The following PPFIA3 variants were observed in gnomAD, a reference collection of about 807,000 sequenced individuals.
PPFIA3 encodes the protein PPFI scaffold protein A3, also known as liprin-alpha-3.
PPFIA3 carries 26 observed loss-of-function variants against 145.8 expected under a neutral mutation model. The ratio of observed to expected loss-of-function variants is 0.18; its 90% confidence interval spans 0.13 to 0.25. The LOEUF (loss-of-function observed/expected upper bound fraction) is 0.25, where lower values mean the gene tolerates loss of function less well. Ranked by LOEUF, PPFIA3 falls within the 10% of genes least tolerant of loss-of-function variation. PPFIA3 has a pLI of 1.00. For synonymous variants in PPFIA3, 645 were observed against 661.4 expected, an observed-to-expected ratio of 0.98 and a Z score of 0.38; for missense variants, 1,008 against 1,587.8, an observed-to-expected ratio of 0.63 and a Z score of 6.21.
intron 1 of PPFIA3, 40 bp downstream of exon 1, chr19:49,119,762 G>A: frequency 6.6e-6 from 1 of 151,614 alleles, no homozygotes; most frequent in Non-Finnish European, 1.5e-5. Context: ...CGCCCACCCT[G>A]GGGACCCCTT....
chr19:49,147,653 T>G (rs1175799488), intron 23 of PPFIA3, among the ~76,000 whole-genome samples: 1 of 149,594 alleles, frequency 6.7e-6, no homozygotes, highest in East Asian at 1.9e-4. Flanking sequence ...GCCACCGCGC[T>G]CCAGCCTGGG....
intron 20 of PPFIA3, 71 bp downstream of exon 20, chr19:49,142,186 C>T (rs1251012389): frequency 7.2e-7 from 1 of 1,391,828 alleles, no homozygotes. Context: ...TAGGGGCTGC[C>T]TGGTCCTCCT....
intron 7 of PPFIA3, among the ~76,000 whole-genome samples, chr19:49,132,279 C>G (rs759971840): frequency 7.5e-5 from 11 of 146,056 alleles, no homozygotes; most frequent in Non-Finnish European, 1.5e-4. Context: ...ATCCCAGCTA[C>G]TTGAGAGGTT....
At chr19:49,134,595 G>T (rs757800219) in intron 11 of PPFIA3, 44 bp from the exon 12 acceptor site, 2 of 1,578,170 alleles carry the variant, frequency 1.3e-6, no homozygotes, top group South Asian at 2.2e-5. Context: ...CCACGGGCGT[G>T]GCCCCTCAGG....
chr19:49,121,701 C>T (rs538949318), intron 1 of PPFIA3, among the ~76,000 whole-genome samples: 2 of 152,002 alleles, frequency 1.3e-5, no homozygotes, highest in East Asian at 1.9e-4. Context: ...GTTTGAACCC[C>T]GGAGGCGGAG....
chr19:49,150,039 G>A, intron 28 of PPFIA3, 41 bp from the exon 29 acceptor site: 2 of 1,582,776 alleles, frequency 1.3e-6, no homozygotes, highest in Non-Finnish European at 1.7e-6. Flanking sequence ...GAACAGGGAG[G>A]AGGGTGCTCC....
chr19:49,149,595 C>T lies in PPFIA3; in HGVS notation c.3403C>T (p.Arg1135Trp). 1 of 1,614,194 alleles carries T rather than the reference C, an allele frequency of 6.2e-7. No individual in the cohort carries two copies. The highest frequency in any genetic ancestry group is 8.5e-7 in the Non-Finnish European group (1 of 1,180,040). ...SRSPSWRKMF[R>W]EKDLRGVTPD... is the part of the protein sequence containing the mutation. ...CTCCCCATCCTGGCGGAAGATGTTC[C>T]GGGAGAAGGACCTCCGAGGCGTAAC... The change falls in exon 28 of 30, where the codon CGG becomes TGG. Residue 1135 changes from arginine (R) to tryptophan (W), a missense_variant. Coordinates refer to ENST00000334186, the MANE Select transcript of PPFIA3 (RefSeq NM_003660.4). The surrounding 1 kb of genome is among the most constrained non-coding windows in gnomAD (Gnocchi z 5.7).
At position 49,130,621 on chromosome 19, in the gene PPFIA3, G is replaced by T; in HGVS notation, c.879+22G>T. ...GGAGGTGAGGCCCCCAGGGAGGCGG[G>T]CTGCCCTGGGTCCCTCGCCTTTCCG... On this transcript the variant is annotated intron_variant, in intron 7 of 29. Transcript: ENST00000334186. The surrounding 1 kb of genome is among the most constrained non-coding windows in gnomAD (Gnocchi z 4.5). 6.5e-7 allele frequency: 1 copy of T among 1,543,820 alleles called. No individual in the cohort carries two copies.
chr19:49,146,045 C>A, intron 22 of PPFIA3, 40 bp downstream of exon 22: 3 of 1,610,668 alleles, frequency 1.9e-6, no homozygotes, highest in Non-Finnish European at 2.5e-6. Context: ...GTGGCACTAA[C>A]CTTCTTTGGG....
chr19:49,128,868 G>A lies in PPFIA3; in HGVS notation c.363G>A (p.Glu121=). The part of the protein sequence containing the change: ...NNTRLLLEHL[E]CLVSRHERSL... Reference sequence around the variant, plus strand: ...TGCAGCTGCTCCTGGAACACCTGGAGTGCCTGGTGTCCAGGCACGAGAGGT... The same window carrying A: ...TGCAGCTGCTCCTGGAACACCTGGAATGCCTGGTGTCCAGGCACGAGAGGT... Residue 121 remains glutamate, a synonymous_variant, in exon 4 of 30, where the codon GAG becomes GAA. Coordinates refer to ENST00000334186, the MANE Select transcript of PPFIA3 (RefSeq NM_003660.4). This position sits in a 1 kb window ranked among gnomAD's most constrained non-coding sequence, Gnocchi z 4.1. 2 of 1,606,756 alleles carry A rather than the reference G, an allele frequency of 1.2e-6. No homozygotes were observed. The highest frequency in any genetic ancestry group is 1.7e-6 in the Non-Finnish European group (2 of 1,176,434).
chr19:49,141,306 C>A, intron 18 of PPFIA3, 114 bp from the exon 19 acceptor site: 1 of 718,040 alleles, frequency 1.4e-6, no homozygotes, highest in Non-Finnish European at 2.4e-6. Context: ...TGTGCCCTCA[C>A]TCACTACTCC....
intron 1 of PPFIA3, among the ~76,000 whole-genome samples, chr19:49,121,213 G>A (rs543108528): frequency 1.3e-5 from 2 of 152,200 alleles, no homozygotes; most frequent in Non-Finnish European, 2.9e-5. Flanking sequence ...CCAGGCCAAT[G>A]AGCCGAACAC....
rs774375874 is a variant in PPFIA3 at position 49,133,371 on chromosome 19, G to A, written c.1161G>A (p.Lys387=). 10 of 1,599,806 alleles carry A rather than the reference G, an allele frequency of 6.3e-6. No homozygotes were observed. In the African/African-American group the frequency reaches 1.1e-4, roughly 17 times the overall value. Residue 387 remains lysine, a splice_region_variant and synonymous_variant, in exon 9 of 30, where the codon AAG becomes AAA. Transcript: ENST00000334186. The surrounding 1 kb of genome is among the most constrained non-coding windows in gnomAD (Gnocchi z 7.2). ...CGCAGCGCGTGGCGGCGCTCAACAA[G>A]GTGCGGGGAGGACTCGGGTCGGGGC... is the stretch of plus-strand genomic sequence containing the variant. ...QLAQRVAALN[K]AEERHGNFEE... is the part of the protein sequence containing the mutation.
chr19:49,141,179 G>A (rs939962499), intron 18 of PPFIA3, among the ~76,000 whole-genome samples: 1 of 152,110 alleles, frequency 6.6e-6, no homozygotes, highest in Non-Finnish European at 1.5e-5. Context: ...GGAGCCGGTT[G>A]TTAGGCATTT....
chr19:49,131,476 C>G (rs2041071991), intron 7 of PPFIA3, among the ~76,000 whole-genome samples: 1 of 151,616 alleles, frequency 6.6e-6, no homozygotes, highest in African/African-American at 2.4e-5. Context: ...GCCACTGCGT[C>G]CAGCCTCTAA....
At chr19:49,129,323 A>C (rs1234030275) in intron 4 of PPFIA3, 57 bp from the exon 5 acceptor site, 10 of 1,523,984 alleles carry the variant, frequency 6.6e-6, no homozygotes, top group Non-Finnish European at 8.9e-6. Flanking sequence ...GACCAGGGGC[A>C]ACTGTCCTAA....
intron 7 of PPFIA3, among the ~76,000 whole-genome samples, chr19:49,131,028 A>ATT (rs33934210): frequency 0.071 from 9,596 of 134,250 alleles, 412 homozygotes; most frequent in Admixed American, 0.11. Context: ...TGCACCGCTA[A>ATT]TTTTTTTTTT....
At chr19:49,127,177 T>C (rs1213567541) in intron 1 of PPFIA3, among the ~76,000 whole-genome samples, 1 of 146,674 alleles carries the variant, frequency 6.8e-6, no homozygotes, top group Non-Finnish European at 1.5e-5. Flanking sequence ...AGGTCAGGAG[T>C]TCGAGACCAG....
At chr19:49,124,143 T>C (rs1250419328) in intron 1 of PPFIA3, among the ~76,000 whole-genome samples, 1 of 152,164 alleles carries the variant, frequency 6.6e-6, no homozygotes, top group Non-Finnish European at 1.5e-5. Flanking sequence ...ACTCCTGCTA[T>C]ATTCTTTTTT....
Sources: gnomAD v4.1 joint callset for allele counts (sites outside exome capture counted in the v4.1 genomes callset) on GRCh38, gnomAD v4.1.1 for gene constraint, Gnocchi (gnomAD v3.1) non-coding constraint, MANE v1.5 for transcripts, NCBI Gene and HGNC (gene_info 2026-07-23, HGNC 2026-07-21) for gene names.